Variants in EYA4 observed in about 807,000 individuals in gnomAD.
EYA4 encodes EYA transcriptional coactivator and phosphatase 4.
Under a neutral mutation model 87.9 loss-of-function variants are expected in EYA4, and 31 were observed. That is an observed-to-expected ratio of 0.35 (90% CI 0.27 to 0.48). The LOEUF is 0.48. Among genes scored for constraint, EYA4 ranks in the 20% least tolerant of loss-of-function variants. EYA4 has a pLI of 0.99. For missense variants in EYA4, 678 were observed against 761.4 expected (o/e 0.89, Z 1.29); for synonymous variants, 263 against 270.6 (o/e 0.97, Z 0.28).
In EYA4 at chr6:133,243,089, CGTGTGTGTGTGT is replaced by C. The variant is rs3065226; in HGVS notation, c.-66+1359_-66+1370del. On this transcript the variant is annotated intron_variant, in intron 1 of 19. Coordinates refer to ENST00000355286, the MANE Select transcript of EYA4 (RefSeq NM_004100.5). Reference sequence around the variant, plus strand: ...AGAGCAGTTCCACGTGGAGCAACTTCGTGTGTGTGTGTGTGTGTGTGTGTGTGTGTTGTGTAC... The same window carrying C: ...AGAGCAGTTCCACGTGGAGCAACTTCGTGTGTGTGTGTGTGTGTTGTGTAC... 6.9e-5 allele frequency among the ~76,000 whole-genome samples: 10 copies of C among 145,466 alleles called. No homozygotes were observed. The South Asian group carries it at 2.1e-3, about 30-fold the overall frequency.
intron 2 of EYA4, among the ~76,000 whole-genome samples, chr6:133,376,493 A>AT (rs1473574933): frequency 1.3e-5 from 2 of 151,834 alleles, no homozygotes; most frequent in Non-Finnish European, 2.9e-5. Context: ...TATTCTTTAC[A>AT]TTTTTTATTC....
intron 2 of EYA4, among the ~76,000 whole-genome samples, chr6:133,348,344 G>A (rs1232628977): frequency 1.5e-5 from 2 of 133,096 alleles, no homozygotes; most frequent in African/African-American, 2.9e-5. Context: ...TGCAGTCTCA[G>A]CTCACTGCAA....
intron 3 of EYA4, among the ~76,000 whole-genome samples, chr6:133,401,157 A>G (rs1045023761): frequency 2.6e-5 from 4 of 152,222 alleles, no homozygotes; most frequent in African/African-American, 9.6e-5. Context: ...CAAGTATCAC[A>G]TATTCTCACT....
chr6:133,385,341 C>A (rs1786624447), intron 3 of EYA4, among the ~76,000 whole-genome samples: 1 of 127,268 alleles, frequency 7.9e-6, no homozygotes, highest in Non-Finnish European at 1.6e-5. Flanking sequence ...ATATTTTATA[C>A]ATATATATAT....
intron 2 of EYA4, among the ~76,000 whole-genome samples, chr6:133,319,449 T>C (rs1780881373): frequency 1.3e-5 from 2 of 152,272 alleles, no homozygotes; most frequent in Admixed American, 6.5e-5. Context: ...ATGCCACTTA[T>C]GCATACAAGT....
chr6:133,397,489 T>A (rs192700538), intron 3 of EYA4, among the ~76,000 whole-genome samples: 1 of 152,320 alleles, frequency 6.6e-6, no homozygotes, highest in East Asian at 1.9e-4. Flanking sequence ...GGAAAGGTTA[T>A]TTTTTTGTGC....
At chr6:133,326,940 TG>T (rs2128371607) in intron 2 of EYA4, among the ~76,000 whole-genome samples, 1 of 152,240 alleles carries the variant, frequency 6.6e-6, no homozygotes, top group African/African-American at 2.4e-5. Context: ...CCATCCCTCC[TG>T]CCCCTGTGCC....
chr6:133,522,906 G>T, intron 17 of EYA4, 150 bp from the exon 18 acceptor site: 1 of 658,888 alleles, frequency 1.5e-6, no homozygotes. Context: ...TGCCATTATT[G>T]GAGGAGTGTC....
chr6:133,254,558 GA>G (rs752385618), intron 1 of EYA4, among the ~76,000 whole-genome samples: 12 of 152,108 alleles, frequency 7.9e-5, no homozygotes, highest in Non-Finnish European at 1.8e-4. Context: ...ATTTAGGGGG[GA>G]AAGTCTTCCT....
intron 2 of EYA4, among the ~76,000 whole-genome samples, chr6:133,379,073 T>C (rs1764584231): frequency 6.6e-6 from 1 of 152,042 alleles, no homozygotes; most frequent in Non-Finnish European, 1.5e-5. Context: ...AAATTCTGAC[T>C]CATTTCTTGA....
chr6:133,344,082 A>G (rs1783017135), intron 2 of EYA4, among the ~76,000 whole-genome samples: 1 of 152,174 alleles, frequency 6.6e-6, no homozygotes, highest in African/African-American at 2.4e-5. Flanking sequence ...GTGTTCATTC[A>G]GTATGAGTGA....
intron 10 of EYA4, among the ~76,000 whole-genome samples, chr6:133,465,912 G>T (rs1794795283): frequency 6.6e-6 from 1 of 152,098 alleles, no homozygotes; most frequent in South Asian, 2.1e-4. Context: ...TTAGGAAAAT[G>T]ATGTCTTAAA....
At chr6:133,380,915 T>C (rs1786143674) in intron 2 of EYA4, among the ~76,000 whole-genome samples, 1 of 140,702 alleles carries the variant, frequency 7.1e-6, no homozygotes, top group Non-Finnish European at 1.5e-5. Context: ...CGTTACTTCC[T>C]TCCTTCCTTT....
chr6:133,354,021 A>G (rs958424960), intron 2 of EYA4, among the ~76,000 whole-genome samples: 3 of 152,152 alleles, frequency 2.0e-5, no homozygotes, highest in Admixed American at 2.0e-4. Context: ...TGAGAATGCT[A>G]CCTTTCTGTT....
At chr6:133,352,622 A>T (rs1783724878) in intron 2 of EYA4, among the ~76,000 whole-genome samples, 1 of 152,194 alleles carries the variant, frequency 6.6e-6, no homozygotes. Flanking sequence ...TTAAAAATTT[A>T]TTTGACACTA....
At chr6:133,521,513 A>G (rs1371537847) in intron 17 of EYA4, among the ~76,000 whole-genome samples, 2 of 137,602 alleles carry the variant, frequency 1.5e-5, no homozygotes, top group African/African-American at 2.8e-5. Context: ...TTACACTGTT[A>G]GTGGGACTGT....
At chr6:133,457,447 T>G (rs889670740) in intron 6 of EYA4, among the ~76,000 whole-genome samples, 1 of 152,208 alleles carries the variant, frequency 6.6e-6, no homozygotes, top group East Asian at 1.9e-4. Flanking sequence ...TTATTCTACT[T>G]TAATACATTT....
At chr6:133,374,576 G>C (rs1785526764) in intron 2 of EYA4, among the ~76,000 whole-genome samples, 1 of 152,112 alleles carries the variant, frequency 6.6e-6, no homozygotes, top group Admixed American at 6.6e-5. Context: ...GTTAAAGAAG[G>C]GTTATGGCAG....
chr6:133,412,322 A>G (rs1359998751), intron 3 of EYA4, among the ~76,000 whole-genome samples: 1 of 152,208 alleles, frequency 6.6e-6, no homozygotes, highest in African/African-American at 2.4e-5. Flanking sequence ...CATATCATAA[A>G]TATGCAGTTT....
Sources: gnomAD v4.1 joint callset for allele counts (sites outside exome capture counted in the v4.1 genomes callset) on GRCh38, gnomAD v4.1.1 for gene constraint, MANE v1.5 for transcripts, NCBI Gene and HGNC (gene_info 2026-07-23, HGNC 2026-07-21) for gene names.